The following WNT7A variants were observed in gnomAD, a reference collection of about 807,000 sequenced individuals.
WNT7A encodes protein Wnt-7a.
Under a neutral mutation model 28.2 loss-of-function variants are expected in WNT7A, and 16 were observed. That is an observed-to-expected ratio of 0.57 (90% CI 0.38 to 0.86). WNT7A has a LOEUF of 0.86. Among genes scored for constraint, WNT7A ranks in the 40% least tolerant of loss-of-function variants. WNT7A has a pLI of 0.00. For synonymous variants in WNT7A, 190 were observed against 195.9 expected (o/e 0.97, Z 0.25); for missense variants, 411 against 489.7 (o/e 0.84, Z 1.52).
intron 3 of WNT7A, among the ~76,000 whole-genome samples, chr3:13,844,918 C>T (rs953912374): frequency 1.2e-4 from 18 of 152,324 alleles, no homozygotes; most frequent in African/African-American, 4.3e-4. Context: ...CCCTCCCTCC[C>T]TCTTCCCGGC....
chr3:13,867,557 A>G (rs1694930462), intron 2 of WNT7A, among the ~76,000 whole-genome samples: 1 of 152,180 alleles, frequency 6.6e-6, no homozygotes, highest in Admixed American at 6.5e-5. Flanking sequence ...GTGACGGATG[A>G]GAAAGGGCTA....
rs148886343 is a variant in WNT7A, at chr3:13,864,080, G to T, written c.299-9277C>A. On this transcript the variant is annotated intron_variant, in intron 2 of 3. Coordinates refer to ENST00000285018, the MANE Select transcript of WNT7A (RefSeq NM_004625.4). Reference sequence around the variant, plus strand: ...TCCCTGGAAAAATTCCGGCAGGGGGGTACCAAACAGGAGGTCGTGAGCATG... The same window carrying T: ...TCCCTGGAAAAATTCCGGCAGGGGGTTACCAAACAGGAGGTCGTGAGCATG... 4.1e-3 allele frequency among the ~76,000 whole-genome samples: 620 copies of T among 152,260 alleles called. 6 individuals carry two copies. The highest frequency in any genetic ancestry group is 0.014 in the African/African-American group (583 of 41,534).
chr3:13,832,937 G>A (rs1235600069), intron 3 of WNT7A, among the ~76,000 whole-genome samples: 2 of 152,080 alleles, frequency 1.3e-5, no homozygotes, highest in Non-Finnish European at 2.9e-5. Flanking sequence ...GGCTCCTGAG[G>A]TTAAAGCCCA....
At chr3:13,825,565 T>A (rs552329287) in intron 3 of WNT7A, among the ~76,000 whole-genome samples, 5 of 152,364 alleles carry the variant, frequency 3.3e-5, no homozygotes, top group African/African-American at 1.2e-4. Context: ...AGTTTAACAA[T>A]TGACAAATCC....
chr3:13,846,481 C>T (rs910596095), intron 3 of WNT7A, among the ~76,000 whole-genome samples: 6 of 152,102 alleles, frequency 3.9e-5, no homozygotes, highest in African/African-American at 1.4e-4. Context: ...TCTGTGCTTC[C>T]GTTTTCTTAT....
chr3:13,859,632 G>T (rs544882006), intron 2 of WNT7A, among the ~76,000 whole-genome samples: 7 of 152,050 alleles, frequency 4.6e-5, no homozygotes, highest in African/African-American at 1.7e-4. Flanking sequence ...TGTCCCTCTC[G>T]GATATAATTG....
At chr3:13,864,216 A>G (rs1342837195) in intron 2 of WNT7A, among the ~76,000 whole-genome samples, 3 of 152,152 alleles carry the variant, frequency 2.0e-5, no homozygotes, top group Non-Finnish European at 2.9e-5. Flanking sequence ...GAATTTGATT[A>G]TCTTCCTACA....
chr3:13,868,647 GAAAA>G (rs1235253896), intron 2 of WNT7A, among the ~76,000 whole-genome samples: 2 of 11,656 alleles, frequency 1.7e-4, no homozygotes, highest in African/African-American at 3.3e-4. Context: ...AGAGGAGAAA[GAAAA>G]AAAGGAGGGA....
intron 3 of WNT7A, among the ~76,000 whole-genome samples, chr3:13,832,393 C>T (rs1182941169): frequency 2.0e-5 from 3 of 151,712 alleles, no homozygotes; most frequent in Non-Finnish European, 4.4e-5. Context: ...TCCTCCTCTA[C>T]AGGCTCCTCC....
intron 3 of WNT7A, among the ~76,000 whole-genome samples, chr3:13,850,005 G>A (rs1694601880): frequency 6.6e-6 from 1 of 152,206 alleles, no homozygotes; most frequent in South Asian, 2.1e-4. Flanking sequence ...GGGAGCAAAG[G>A]AAAGAAGCCC....
Position 13,854,526 on chromosome 3 carries a change from T to A in WNT7A, c.570+6A>T. ...CGCCGCCCAGCTGCCCTCCCTGGCT[T>A]CCTACCTTTCGGCCTGCCTCGTTGT... On this transcript the variant is annotated splice_donor_region_variant and intron_variant, in intron 3 of 3. Transcript: ENST00000285018. 1 of 1,614,108 alleles carries A rather than the reference T, an allele frequency of 6.2e-7. No individual in the cohort carries two copies. The highest frequency in any genetic ancestry group is 8.5e-7 in the Non-Finnish European group (1 of 1,180,044).
intron 3 of WNT7A, among the ~76,000 whole-genome samples, chr3:13,833,075 C>A (rs1041554137): frequency 2.0e-5 from 3 of 151,908 alleles, no homozygotes; most frequent in African/African-American, 7.3e-5. Context: ...TAGGCTCCTA[C>A]CCCCCCAGTA....
Position 13,819,199 on chromosome 3 carries a change from G to C in WNT7A, c.795C>G (p.Asp265Glu). 1 of 1,614,250 alleles carries C rather than the reference G, an allele frequency of 6.2e-7. No individual in the cohort carries two copies. The highest frequency in any genetic ancestry group is 8.5e-7 in the Non-Finnish European group (1 of 1,180,048). ...KKPLSYRKPMDTDLVYIEKSP... is the reference protein window; with the variant it reads ...KKPLSYRKPMETDLVYIEKSP... ...ACTTCTCGATGTACACCAGGTCCGT[G>C]TCCATGGGCTTGCGGTACGACAGTG... Residue 265 changes from aspartate (D) to glutamate (E), a missense_variant, in exon 4 of 4, where the codon GAC becomes GAG. Coordinates refer to ENST00000285018, the MANE Select transcript of WNT7A (RefSeq NM_004625.4).
At chr3:13,830,301 G>A (rs1694260833) in intron 3 of WNT7A, among the ~76,000 whole-genome samples, 1 of 152,118 alleles carries the variant, frequency 6.6e-6, no homozygotes, top group South Asian at 2.1e-4. Context: ...CAGGCTGGAG[G>A]GCTGATGGCT....
At chr3:13,839,215 C>A (rs1694418935) in intron 3 of WNT7A, among the ~76,000 whole-genome samples, 1 of 152,192 alleles carries the variant, frequency 6.6e-6, no homozygotes, top group Admixed American at 6.5e-5. Flanking sequence ...ATCCACATCA[C>A]CTGGAAACTT....
intron 3 of WNT7A, among the ~76,000 whole-genome samples, chr3:13,833,156 C>T (rs957350922): frequency 6.6e-6 from 1 of 152,120 alleles, no homozygotes; most frequent in Non-Finnish European, 1.5e-5. Flanking sequence ...AGGCATGGCC[C>T]CATGCAACCC....
intron 3 of WNT7A, among the ~76,000 whole-genome samples, chr3:13,823,062 C>A (rs1201331663): frequency 6.6e-6 from 1 of 152,226 alleles, no homozygotes; most frequent in Admixed American, 6.5e-5. Flanking sequence ...GCAGTGACTG[C>A]ATTCTGTCCA....
At chr3:13,837,533 G>GGTGA (rs1004730118) in intron 3 of WNT7A, among the ~76,000 whole-genome samples, 1 of 123,138 alleles carries the variant, frequency 8.1e-6, no homozygotes, top group Non-Finnish European at 1.7e-5. Flanking sequence ...GCATTTTCTG[G>GGTGA]GTGAGTGAAT....
intron 3 of WNT7A, among the ~76,000 whole-genome samples, chr3:13,833,911 G>A (rs1040440742): frequency 2.6e-5 from 4 of 152,160 alleles, no homozygotes; most frequent in African/African-American, 7.2e-5. Flanking sequence ...CTGGCCAGGC[G>A]CTGAGGTTGG....
Sources: gnomAD v4.1 joint callset for allele counts (sites outside exome capture counted in the v4.1 genomes callset) on GRCh38, gnomAD v4.1.1 for gene constraint, MANE v1.5 for transcripts, NCBI Gene and HGNC (gene_info 2026-07-23, HGNC 2026-07-21) for gene names.